The following LRRC4C variants were observed in gnomAD, a reference collection of about 807,000 sequenced individuals.
LRRC4C encodes the protein leucine-rich repeat-containing protein 4C.
Under a neutral mutation model 33.6 loss-of-function variants are expected in LRRC4C, and 5 were observed. The ratio of observed to expected loss-of-function variants is 0.15; its 90% CI spans 0.08 to 0.31. The LOEUF is 0.31. Ranked by LOEUF, LRRC4C falls within the 10% of genes least tolerant of loss-of-function variation. The pLI is 1.00. For synonymous variants in LRRC4C, 329 were observed against 302.0 expected (o/e 1.09, Z -0.93); for missense variants, 560 against 796.7 (o/e 0.70, Z 3.58).
chr11:40,681,924 A>G (rs554799736), intron 2 of LRRC4C, among the ~76,000 whole-genome samples: 83 of 152,268 alleles, frequency 5.5e-4, no homozygotes, highest in African/African-American at 1.8e-3. Context: ...AAATGATTCA[A>G]TGGACTTTGG....
At chr11:40,264,460 CA>C (rs1351806259) in intron 4 of LRRC4C, among the ~76,000 whole-genome samples, 2 of 152,058 alleles carry the variant, frequency 1.3e-5, no homozygotes, top group African/African-American at 2.4e-5. Flanking sequence ...CTAGTCACCC[CA>C]AAAAACACAG....
intron 1 of LRRC4C, among the ~76,000 whole-genome samples, chr11:41,406,095 GAGAC>G (rs3040706): frequency 0.27 from 40,261 of 151,780 alleles, 6,005 homozygotes; most frequent in Admixed American, 0.37. Context: ...AAGGATGAAA[GAGAC>G]AGAGAGACAG....
At chr11:40,847,818 C>G (rs976222724) in intron 2 of LRRC4C, among the ~76,000 whole-genome samples, 1 of 131,432 alleles carries the variant, frequency 7.6e-6, no homozygotes, top group Admixed American at 8.3e-5. Context: ...ACGATATTAA[C>G]TACTGTCTCA....
At chr11:40,427,246 G>A (rs1020618060) in intron 3 of LRRC4C, among the ~76,000 whole-genome samples, 4 of 152,220 alleles carry the variant, frequency 2.6e-5, no homozygotes, top group African/African-American at 9.6e-5. Flanking sequence ...GCTCACGCCT[G>A]TAATCCCAGC....
In LRRC4C at chr11:41,224,201, G is replaced by A. The variant is rs7941101; in HGVS notation, c.-496+235230C>T. Among the ~76,000 whole-genome samples, 437 of 152,294 alleles carry A rather than the reference G, an allele frequency of 2.9e-3. 1 individual carries two copies. The highest frequency in any genetic ancestry group is 9.0e-3 in the African/African-American group (373 of 41,576). Reference sequence around the variant, plus strand: ...CCTGCCGTGGAAAAAGCCACGTTTAGAGGGAATCATCTGTTCTTTTTACTG... The same window carrying A: ...CCTGCCGTGGAAAAAGCCACGTTTAAAGGGAATCATCTGTTCTTTTTACTG... On this transcript the variant is annotated intron_variant, in intron 1 of 6. Coordinates refer to ENST00000528697, the MANE Select transcript of LRRC4C (RefSeq NM_001258419.2).
At chr11:41,162,741 T>A (rs1944530161) in intron 1 of LRRC4C, among the ~76,000 whole-genome samples, 2 of 152,202 alleles carry the variant, frequency 1.3e-5, no homozygotes, top group Admixed American at 6.5e-5. Flanking sequence ...GAATGGAGCT[T>A]GCAGGACTGA....
chr11:40,913,067 A>G (rs1316656124), intron 2 of LRRC4C, among the ~76,000 whole-genome samples: 1 of 152,166 alleles, frequency 6.6e-6, no homozygotes, highest in Non-Finnish European at 1.5e-5. Flanking sequence ...GAGACCTACA[A>G]AGAGACTTAG....
chr11:41,219,356 AAGTC>A (rs1195772198), intron 1 of LRRC4C, among the ~76,000 whole-genome samples: 1 of 152,190 alleles, frequency 6.6e-6, no homozygotes, highest in Non-Finnish European at 1.5e-5. Flanking sequence ...TATCTAAAGA[AAGTC>A]AGAGAGCGGG....
At chr11:40,378,667 T>C (rs933071949) in intron 3 of LRRC4C, among the ~76,000 whole-genome samples, 3 of 152,104 alleles carry the variant, frequency 2.0e-5, no homozygotes, top group Non-Finnish European at 2.9e-5. Flanking sequence ...TACATCTTAC[T>C]AGATGTCAGG....
At chr11:40,896,693 A>G (rs1394331940) in intron 2 of LRRC4C, among the ~76,000 whole-genome samples, 3 of 151,996 alleles carry the variant, frequency 2.0e-5, no homozygotes, top group Admixed American at 2.0e-4. Flanking sequence ...CTATATATGT[A>G]TATATTAATA....
intron 1 of LRRC4C, among the ~76,000 whole-genome samples, chr11:41,293,046 T>C (rs1213400982): frequency 6.6e-6 from 1 of 152,166 alleles, no homozygotes; most frequent in Non-Finnish European, 1.5e-5. Flanking sequence ...TCCTGGTTTA[T>C]TTTTAAAACA....
chr11:40,781,377 A>G (rs1043468373), intron 2 of LRRC4C, among the ~76,000 whole-genome samples: 1 of 152,172 alleles, frequency 6.6e-6, no homozygotes, highest in African/African-American at 2.4e-5. Flanking sequence ...CAACCAATTA[A>G]GAAATTGACC....
intron 1 of LRRC4C, among the ~76,000 whole-genome samples, chr11:41,276,789 G>A (rs1591133550): frequency 6.6e-6 from 1 of 152,108 alleles, no homozygotes; most frequent in South Asian, 2.1e-4. Context: ...AGAGAGGCAG[G>A]AGAGGGAGAG....
chr11:40,846,026 T>A (rs1346733633), intron 2 of LRRC4C, among the ~76,000 whole-genome samples: 1 of 151,832 alleles, frequency 6.6e-6, no homozygotes, highest in African/African-American at 2.4e-5. Context: ...TGATGTTTTT[T>A]TTTTTTTTTT....
At chr11:41,093,389 A>T (rs960381350) in intron 1 of LRRC4C, among the ~76,000 whole-genome samples, 5 of 152,238 alleles carry the variant, frequency 3.3e-5, no homozygotes, top group African/African-American at 9.6e-5. Flanking sequence ...TTGTGAGCCA[A>T]TTAAAACACT....
At chr11:40,747,918 T>G (rs1948503456) in intron 2 of LRRC4C, among the ~76,000 whole-genome samples, 1 of 152,070 alleles carries the variant, frequency 6.6e-6, no homozygotes, top group South Asian at 2.1e-4. Flanking sequence ...CATCATAAAG[T>G]GACCAAATCT....
intron 1 of LRRC4C, among the ~76,000 whole-genome samples, chr11:41,137,521 T>C (rs936718493): frequency 6.6e-6 from 1 of 152,188 alleles, no homozygotes; most frequent in Non-Finnish European, 1.5e-5. Context: ...ATTTTCATTA[T>C]CTTAGAATAT....
intron 1 of LRRC4C, among the ~76,000 whole-genome samples, chr11:40,975,715 A>G (rs1565261386): frequency 6.6e-6 from 1 of 152,212 alleles, no homozygotes; most frequent in Non-Finnish European, 1.5e-5. Context: ...GATTATTATC[A>G]TCATCTCCAT....
At chr11:40,849,632 T>C (rs1476238703) in intron 2 of LRRC4C, among the ~76,000 whole-genome samples, 1 of 152,096 alleles carries the variant, frequency 6.6e-6, no homozygotes, top group African/African-American at 2.4e-5. Context: ...GTTGCTCTTC[T>C]CGAGGAGTAT....
Sources: gnomAD v4.1 joint callset for allele counts (sites outside exome capture counted in the v4.1 genomes callset) on GRCh38, gnomAD v4.1.1 for gene constraint, MANE v1.5 for transcripts, NCBI Gene and HGNC (gene_info 2026-07-23, HGNC 2026-07-21) for gene names.